Variants in GLIS3 observed in about 807,000 individuals in gnomAD.
GLIS3 encodes the protein zinc finger protein GLIS3.
In GLIS3, 53 loss-of-function variants were observed where a neutral mutation model predicts 78.6. The observed-to-expected ratio is 0.67, with a 90% CI of 0.54 to 0.85. GLIS3 has a LOEUF of 0.85. Ranked by LOEUF, GLIS3 falls within the 40% of genes least tolerant of loss-of-function variation. The pLI, the probability that GLIS3 is intolerant of heterozygous loss-of-function variation, is 0.00. For missense variants in GLIS3, 1,703 were observed against 1,231.1 expected (o/e 1.38, Z -5.74); for synonymous variants, 684 against 509.9 (o/e 1.34, Z -4.60).
intron 2 of GLIS3, among the ~76,000 whole-genome samples, chr9:4,161,675 C>CTTTTT (rs55904647): frequency 3.9e-4 from 44 of 114,194 alleles, no homozygotes; most frequent in African/African-American, 1.2e-3. Context: ...TGCTAGAAGT[C>CTTTTT]TTTTTTTTTT....
At position 4,055,448 on chromosome 9, in the gene GLIS3, G is replaced by C. The variant is rs1204917857; in HGVS notation, c.1710+62320C>G. Among the ~76,000 whole-genome samples the C allele has an allele frequency of 2.0e-5, 3 of 152,100 alleles. 1 individual carries two copies. The highest frequency in any genetic ancestry group is 4.4e-5 in the Non-Finnish European group (3 of 68,020). The stretch of plus-strand genomic sequence containing the variant: ...ATGCCAAGTTCAGGGCCTGACCATG[G>C]GAGTTCCAAGATGATCAACAGAATA... On this transcript the variant is annotated intron_variant, in intron 4 of 10. Transcript: ENST00000381971.
intron 2 of GLIS3, among the ~76,000 whole-genome samples, chr9:4,226,415 C>A (rs539665636): frequency 1.2e-4 from 18 of 152,102 alleles, no homozygotes; most frequent in Non-Finnish European, 7.4e-5. Flanking sequence ...AAGAAACTAC[C>A]AACAGAGACA....
intron 2 of GLIS3, among the ~76,000 whole-genome samples, chr9:4,254,879 G>A (rs1824767568): frequency 6.6e-6 from 1 of 151,526 alleles, no homozygotes; most frequent in South Asian, 2.1e-4. Context: ...ACTGCTTTGT[G>A]ACAGACACCT....
intron 9 of GLIS3, among the ~76,000 whole-genome samples, chr9:3,833,322 C>A (rs556794094): frequency 6.6e-6 from 1 of 152,322 alleles, no homozygotes; most frequent in African/African-American, 2.4e-5. Context: ...CATATATTCT[C>A]TTCCCAGCAC....
At chr9:4,257,258 G>C (rs915859954) in intron 2 of GLIS3, among the ~76,000 whole-genome samples, 1 of 152,082 alleles carries the variant, frequency 6.6e-6, no homozygotes, top group South Asian at 2.1e-4. Flanking sequence ...AATAGTGCAT[G>C]ATCTCATATG....
chr9:4,285,940 G>A (rs776587217), intron 2 of GLIS3, 98 bp downstream of exon 2: 34 of 1,405,874 alleles, frequency 2.4e-5, no homozygotes, highest in African/African-American at 7.1e-5. Flanking sequence ...CCCTGACACT[G>A]AATCATGTAT....
chr9:3,915,440 C>T (rs1477846397), intron 6 of GLIS3, among the ~76,000 whole-genome samples: 1 of 151,992 alleles, frequency 6.6e-6, no homozygotes, highest in Admixed American at 6.6e-5. Context: ...GTGGTTCTGA[C>T]AGAATGGGGA....
chr9:4,268,415 C>A (rs1337122596), intron 2 of GLIS3, among the ~76,000 whole-genome samples: 1 of 152,098 alleles, frequency 6.6e-6, no homozygotes, highest in Admixed American at 6.5e-5. Flanking sequence ...TAAAGAAATT[C>A]TGAAAAGGAG....
At chr9:4,081,284 C>G (rs1186156461) in intron 4 of GLIS3, 1 of 152,270 alleles carries the variant, frequency 6.6e-6, no homozygotes, top group East Asian at 1.9e-4. Flanking sequence ...CTCTGCAGTC[C>G]TTTGTCCTCA....
chr9:4,321,768 G>T (rs933353041), intron 2 of GLIS3, among the ~76,000 whole-genome samples: 1 of 151,970 alleles, frequency 6.6e-6, no homozygotes, highest in Non-Finnish European at 1.5e-5. Flanking sequence ...GAGTGCAGTG[G>T]CATGATCTCA....
chr9:4,473,466 A>AAAAAAAAAAAAG, the GLIS3 span, among the ~76,000 whole-genome samples: 7 of 135,406 alleles, frequency 5.2e-5, no homozygotes, highest in Admixed American at 7.8e-5. Context: ...ACAACAAAAA[A>AAAAAAAAAAAAG]AAAGGATCAT....
rs182303655 is a variant in GLIS3, at chr9:4,111,028, A to G, written c.1710+6740T>C. Among the ~76,000 whole-genome samples, 268 of 152,334 alleles carry G rather than the reference A, an allele frequency of 1.8e-3. 3 individuals are homozygous for G. Among genetic ancestry groups the G allele is most frequent in the African/African-American group, 5.7e-3 (239 of 41,584 alleles). On this transcript the variant is annotated intron_variant, in intron 4 of 10. Transcript: ENST00000381971. ...AGGTCACAAAGGGTGTTTCTAATAT[A>G]TTGCCAAACAAATTTTCCACACTGG...
In GLIS3 at chr9:4,110,648, T is replaced by G. The variant is rs143957035; in HGVS notation, c.1710+7120A>C. ...ATGAAGGACACATGGCTTCCCAGAGTTAAAGCAGACGTAAAATCAAGCCTT... is the reference window on the plus strand; with the variant it reads ...ATGAAGGACACATGGCTTCCCAGAGGTAAAGCAGACGTAAAATCAAGCCTT... On this transcript the variant is annotated intron_variant, in intron 4 of 10. Transcript: ENST00000381971. Among the ~76,000 whole-genome samples the G allele has an allele frequency of 4.4e-3, 667 of 152,190 alleles. 3 individuals carry two copies. The highest frequency in any genetic ancestry group is 0.024 in the Middle Eastern group (7 of 294).
chr9:3,860,301 A>C (rs1186019682), intron 8 of GLIS3, among the ~76,000 whole-genome samples: 4 of 135,904 alleles, frequency 2.9e-5, no homozygotes, highest in African/African-American at 1.0e-4. Flanking sequence ...AAAAAAAAAA[A>C]AACCTCTGGG....
At chr9:3,936,695 T>A (rs1011942481) in intron 5 of GLIS3, among the ~76,000 whole-genome samples, 7 of 152,216 alleles carry the variant, frequency 4.6e-5, no homozygotes, top group Non-Finnish European at 1.0e-4. Flanking sequence ...ATCTCAATAC[T>A]GTTTTTAATG....
intron 4 of GLIS3, among the ~76,000 whole-genome samples, chr9:4,011,613 G>A (rs1157675883): frequency 6.6e-6 from 1 of 152,170 alleles, no homozygotes; most frequent in Non-Finnish European, 1.5e-5. Flanking sequence ...GCTGAATAGT[G>A]GCGAACTGCC....
At chr9:4,463,217 C>A in the GLIS3 span, among the ~76,000 whole-genome samples, 1 of 152,126 alleles carries the variant, frequency 6.6e-6, no homozygotes, top group South Asian at 2.1e-4. Flanking sequence ...TGGGGAAAGT[C>A]CTAGCCTATA....
intron 4 of GLIS3, among the ~76,000 whole-genome samples, chr9:4,032,899 G>A (rs1291769988): frequency 6.6e-6 from 1 of 151,960 alleles, no homozygotes; most frequent in Non-Finnish European, 1.5e-5. Flanking sequence ...TGTCGCCCAG[G>A]CTGGAGTGCG....
intron 2 of GLIS3, among the ~76,000 whole-genome samples, chr9:4,162,915 C>G (rs377100425): frequency 1.2e-4 from 17 of 138,850 alleles, no homozygotes; most frequent in East Asian, 7.0e-4. Context: ...TGCAAAAATA[C>G]CTACACAGCC....
Sources: allele counts gnomAD v4.1 joint callset (sites outside exome capture counted in the v4.1 genomes callset), GRCh38; gene constraint gnomAD v4.1.1; transcripts MANE v1.5; gene names NCBI Gene and HGNC (gene_info 2026-07-23, HGNC 2026-07-21).